Variants in SPAG16 observed in about 807,000 individuals in gnomAD.
SPAG16 encodes the protein sperm associated antigen 16.
Under a neutral mutation model 80.4 loss-of-function variants are expected in SPAG16, and 86 were observed. That is an observed-to-expected ratio of 1.07 (90% confidence interval 0.90 to 1.28). The LOEUF is 1.28. Among genes scored for constraint, SPAG16 ranks in the 50% most tolerant of loss-of-function variants. The pLI is 0.00. For synonymous variants in SPAG16, 294 were observed against 265.9 expected (o/e 1.11, Z -1.03); for missense variants, 870 against 765.3 (o/e 1.14, Z -1.61).
At chr2:213,976,834 TG>T (rs1168260620) in intron 12 of SPAG16, among the ~76,000 whole-genome samples, 3 of 152,082 alleles carry the variant, frequency 2.0e-5, no homozygotes, top group African/African-American at 7.2e-5. Context: ...TTTGTTTGTT[TG>T]TTTGTTTGTT....
chr2:213,309,298 A>C (rs2063083282), intron 3 of SPAG16, among the ~76,000 whole-genome samples: 1 of 152,100 alleles, frequency 6.6e-6, no homozygotes, highest in Non-Finnish European at 1.5e-5. Context: ...GCTGTGCTCT[A>C]ACAAACTTTA....
At chr2:213,689,150 G>A (rs2064825589) in intron 10 of SPAG16, among the ~76,000 whole-genome samples, 2 of 152,142 alleles carry the variant, frequency 1.3e-5, no homozygotes, top group South Asian at 4.1e-4. Context: ...AGTAGAGTCA[G>A]GGTTTCACCA....
chr2:213,291,371 T>A (rs1286441084), intron 1 of SPAG16, among the ~76,000 whole-genome samples: 1 of 152,234 alleles, frequency 6.6e-6, no homozygotes. Context: ...ATGTCTTTAA[T>A]AACATTGTGA....
chr2:214,163,684 G>A (rs577343221), intron 15 of SPAG16, among the ~76,000 whole-genome samples: 14 of 151,328 alleles, frequency 9.3e-5, no homozygotes, highest in Middle Eastern at 3.4e-3. Flanking sequence ...TTATTTTAAG[G>A]AATTAGCTTA....
intron 10 of SPAG16, among the ~76,000 whole-genome samples, chr2:213,750,953 C>T (rs901781441): frequency 2.6e-5 from 4 of 151,928 alleles, no homozygotes; most frequent in African/African-American, 9.7e-5. Context: ...GTTCTGTGAC[C>T]CTCACAGTTG....
At position 213,492,406 on chromosome 2, in the gene SPAG16, T is replaced by C. The variant is rs531329903; in HGVS notation, c.1070+2316T>C. ...TCTACTAAAAATACAAAAAATTAGC[T>C]GGGTGTGGTGGTGGGCGCCTGTAGT... On this transcript the variant is annotated intron_variant, in intron 10 of 15. Coordinates refer to ENST00000331683, the MANE Select transcript of SPAG16 (RefSeq NM_024532.5). Among the ~76,000 whole-genome samples the C allele has an allele frequency of 1.5e-4, 23 of 151,794 alleles. 1 individual carries two copies. In the South Asian group the frequency reaches 4.0e-3, roughly 26 times the overall value.
chr2:213,711,137 A>G (rs1426694175), intron 10 of SPAG16, among the ~76,000 whole-genome samples: 1 of 152,126 alleles, frequency 6.6e-6, no homozygotes. Context: ...ATAAACTATC[A>G]ATATTCCTAA....
At chr2:214,240,292 G>T (rs1199752962) in intron 15 of SPAG16, 3 of 152,148 alleles carry the variant, frequency 2.0e-5, no homozygotes, top group Non-Finnish European at 4.4e-5. Context: ...TCCAGGAAAA[G>T]AATTCCCAAG....
At chr2:213,633,014 T>C (rs1452288471) in intron 10 of SPAG16, among the ~76,000 whole-genome samples, 1 of 152,154 alleles carries the variant, frequency 6.6e-6, no homozygotes, top group Admixed American at 6.5e-5. Context: ...CTCCCACCTT[T>C]GTTTTTTAGA....
chr2:214,057,448 G>A (rs2050005401), intron 13 of SPAG16, among the ~76,000 whole-genome samples: 1 of 151,932 alleles, frequency 6.6e-6, no homozygotes, highest in Non-Finnish European at 1.5e-5. Context: ...TCTTAACGGT[G>A]GGCTTAGAAT....
chr2:213,691,129 C>A (rs1018752166), intron 10 of SPAG16, among the ~76,000 whole-genome samples: 17 of 152,134 alleles, frequency 1.1e-4, no homozygotes, highest in Admixed American at 7.9e-4. Flanking sequence ...CACATTCAAA[C>A]CATAGCACTC....
rs144235920 is a variant in SPAG16 at position 214,361,342 on chromosome 2, C to A, written c.1721-48798C>A. 2.2e-3 allele frequency among the ~76,000 whole-genome samples: 339 copies of A among 151,846 alleles called. 3 individuals carry two copies. The highest frequency in any genetic ancestry group is 6.4e-3 in the African/African-American group (266 of 41,478). Reference sequence around the variant, plus strand: ...ATTGCGCAAGTGGTTGGGACACTAACCATTATTTAGAAATCTAGTTATCAA... The same window carrying A: ...ATTGCGCAAGTGGTTGGGACACTAAACATTATTTAGAAATCTAGTTATCAA... On this transcript the variant is annotated intron_variant, in intron 15 of 15. Coordinates refer to ENST00000331683, the MANE Select transcript of SPAG16 (RefSeq NM_024532.5).
At chr2:214,400,147 TAGGG>T (rs1701624808) in intron 15 of SPAG16, among the ~76,000 whole-genome samples, 1 of 152,038 alleles carries the variant, frequency 6.6e-6, no homozygotes, top group Admixed American at 6.6e-5. Flanking sequence ...GCTCTCCTAA[TAGGG>T]GGGAAATATT....
At chr2:213,508,462 C>G (rs2075065474) in intron 10 of SPAG16, among the ~76,000 whole-genome samples, 1 of 152,146 alleles carries the variant, frequency 6.6e-6, no homozygotes, top group African/African-American at 2.4e-5. Flanking sequence ...GTCCCAGCTA[C>G]TGGGGAGGCT....
chr2:214,405,012 C>G (rs1394858283), intron 15 of SPAG16, among the ~76,000 whole-genome samples: 1 of 152,018 alleles, frequency 6.6e-6, no homozygotes, highest in African/African-American at 2.4e-5. Flanking sequence ...TTAAATAAAA[C>G]AATTATGAGA....
chr2:214,178,326 G>A (rs2057197064), intron 15 of SPAG16, among the ~76,000 whole-genome samples: 1 of 150,904 alleles, frequency 6.6e-6, no homozygotes, highest in East Asian at 1.9e-4. Context: ...GCTATATTAT[G>A]TAGTTTGTGA....
At chr2:214,362,547 T>G (rs566513742) in intron 15 of SPAG16, among the ~76,000 whole-genome samples, 1 of 152,060 alleles carries the variant, frequency 6.6e-6, no homozygotes, top group African/African-American at 2.4e-5. Flanking sequence ...ATCCTGACAA[T>G]CTCGCATCCT....
chr2:214,279,303 G>T (rs975166448), intron 15 of SPAG16, among the ~76,000 whole-genome samples: 1 of 152,038 alleles, frequency 6.6e-6, no homozygotes, highest in African/African-American at 2.4e-5. Context: ...CACCATGTTC[G>T]CAAGGATGGT....
At chr2:213,328,908 T>C (rs1440266238) in intron 5 of SPAG16, among the ~76,000 whole-genome samples, 1 of 152,128 alleles carries the variant, frequency 6.6e-6, no homozygotes, top group Non-Finnish European at 1.5e-5. Context: ...TGGGGGCAGG[T>C]CTTTCCAATG....
Sources: gnomAD v4.1 joint callset for allele counts (sites outside exome capture counted in the v4.1 genomes callset) on GRCh38, gnomAD v4.1.1 for gene constraint, MANE v1.5 for transcripts, NCBI Gene and HGNC (gene_info 2026-07-23, HGNC 2026-07-21) for gene names.